FGF12: variants seen among roughly 807,000 people sequenced by gnomAD.
FGF12 encodes the protein fibroblast growth factor 12B.
Under a neutral mutation model 23.6 loss-of-function variants are expected in FGF12, and 14 were observed. The ratio of observed to expected loss-of-function variants is 0.59; its 90% CI spans 0.39 to 0.93. The LOEUF is 0.93. FGF12 is among the 40% of genes least tolerant of loss of function. FGF12 has a pLI of 0.00. For missense variants in FGF12, 175 were observed against 217.8 expected (o/e 0.80, Z 1.24); for synonymous variants, 62 against 77.3 (o/e 0.80, Z 1.04).
chr3:192,455,596 CTT>C (rs1029916134), intron 2 of FGF12, among the ~76,000 whole-genome samples: 1 of 152,108 alleles, frequency 6.6e-6, no homozygotes, highest in African/African-American at 2.4e-5. Context: ...CATTTTATAA[CTT>C]TTTTATTTAA....
At chr3:192,384,118 T>C (rs1719939328) in intron 2 of FGF12, among the ~76,000 whole-genome samples, 2 of 152,174 alleles carry the variant, frequency 1.3e-5, no homozygotes, top group African/African-American at 4.8e-5. Context: ...CTGAAAAGTA[T>C]CCATTAGATT....
chr3:192,593,540 TACTC>T (rs1470943969), intron 2 of FGF12, among the ~76,000 whole-genome samples: 2 of 151,972 alleles, frequency 1.3e-5, no homozygotes, highest in African/African-American at 4.8e-5. Context: ...ACTTTACAGA[TACTC>T]AATAAATGTT....
intron 4 of FGF12, among the ~76,000 whole-genome samples, chr3:192,232,917 C>T (rs916644653): frequency 6.6e-5 from 10 of 152,090 alleles, no homozygotes; most frequent in South Asian, 2.1e-4. Flanking sequence ...TATTCCACGA[C>T]GTACATGTGC....
rs1210634820 is a variant in FGF12, at chr3:192,144,079, C to A, written c.476G>T (p.Gly159Val). Residue 159 changes from glycine (G) to valine (V), a missense_variant, in exon 6 of 6, where the codon GGG becomes GTG. Physicochemically the swap from Gly to Val is moderately radical, Grantham distance 109. Coordinates refer to ENST00000445105, the MANE Select transcript of FGF12 (RefSeq NM_004113.6). ...TGTTCCAGAACTTTTCCTTGAACGC[C>A]CTTGTTTTTCTCCAATTTCATGTAG... The part of the protein sequence containing the change: ...PSLHEIGEKQ[G>V]RSRKSSGTPT... The A allele has an allele frequency of 6.2e-7, 1 of 1,613,688 alleles. No individual in the cohort carries two copies. Among genetic ancestry groups the A allele is most frequent in the East Asian group, 2.2e-5 (1 of 44,840 alleles).
intron 2 of FGF12, among the ~76,000 whole-genome samples, chr3:192,589,644 T>A (rs1281059129): frequency 6.6e-6 from 1 of 151,700 alleles, no homozygotes; most frequent in Non-Finnish European, 1.5e-5. Context: ...ATAGGATTCA[T>A]GGGATGGAGG....
In FGF12 at chr3:192,409,663, T is replaced by G. The variant is rs961515703; in HGVS notation, c.14-49125A>C. Among the ~76,000 whole-genome samples the G allele has an allele frequency of 9.2e-5, 14 of 152,128 alleles. No homozygotes were observed. The highest frequency in any genetic ancestry group is 3.4e-4 in the African/African-American group (14 of 41,440). On this transcript the variant is annotated intron_variant, in intron 2 of 5. Coordinates refer to ENST00000445105, the MANE Select transcript of FGF12 (RefSeq NM_004113.6). This position sits in a 1 kb window ranked among gnomAD's most constrained non-coding sequence, Gnocchi z 4.8. ...GGCGGGGGCTGGCTGCAGGCGATGT[T>G]GGCTCGCGGCGGCTGAGGCTCCTGG...
intron 2 of FGF12, among the ~76,000 whole-genome samples, chr3:192,374,719 AAG>A (rs1719396378): frequency 6.6e-6 from 1 of 152,120 alleles, no homozygotes; most frequent in Non-Finnish European, 1.5e-5. Flanking sequence ...TGTTAATACT[AAG>A]GTGCAAGTGA....
chr3:192,454,149 C>T (rs1722609108), intron 2 of FGF12, among the ~76,000 whole-genome samples: 1 of 152,118 alleles, frequency 6.6e-6, no homozygotes, highest in Non-Finnish European at 1.5e-5. Flanking sequence ...AGCGATTCTC[C>T]TGCCTCAGCC....
At chr3:192,498,855 C>T (rs1281831060) in intron 2 of FGF12, among the ~76,000 whole-genome samples, 1 of 152,214 alleles carries the variant, frequency 6.6e-6, no homozygotes. Context: ...CAGTCCACAA[C>T]ACAGACTGAA....
rs1399292586 is a variant in FGF12, at chr3:192,141,127, CCAAAAAAAA to C, written c.*2873_*2881del. 2 of 21,830 alleles carry C rather than the reference CCAAAAAAAA, an allele frequency of 9.2e-5. No homozygotes were observed. The highest frequency in any genetic ancestry group is 1.5e-4 in the Non-Finnish European group (2 of 13,038). 1.4% of individuals were successfully genotyped at this position (21,830 alleles called of 1,614,324 possible). On this transcript the variant is annotated 3_prime_UTR_variant, in exon 6 of 6. Transcript: ENST00000445105. ...TCCTGGGAAAAATCCCAATGCAACT[CCAAAAAAAA>C]AAAAAAAAAAAAAAAAAAGCTTATT... is the stretch of plus-strand genomic sequence containing the variant.
At chr3:192,426,448 G>T (rs1721689441) in intron 2 of FGF12, among the ~76,000 whole-genome samples, 1 of 152,280 alleles carries the variant, frequency 6.6e-6, no homozygotes, top group Admixed American at 6.5e-5. Context: ...GAAAAATGAG[G>T]CAGGAAGCTA....
rs187116907 is a variant in FGF12 at position 192,579,018 on chromosome 3, A to T, written c.13+148163T>A. On this transcript the variant is annotated intron_variant, in intron 2 of 5. Transcript: ENST00000445105. ...TCTATCACCAAATCTTCATTCCAAC[A>T]CTCCTTTAAGTTTATAATTTCTTTT... Among the ~76,000 whole-genome samples, 407 of 151,386 alleles carry T rather than the reference A, an allele frequency of 2.7e-3. 2 individuals carry two copies. The highest frequency in any genetic ancestry group is 9.6e-3 in the African/African-American group (396 of 41,224).
intron 4 of FGF12, among the ~76,000 whole-genome samples, chr3:192,277,252 C>T (rs1431053933): frequency 6.6e-6 from 1 of 152,178 alleles, no homozygotes; most frequent in African/African-American, 2.4e-5. Context: ...AAGATATTAT[C>T]TCAAGTTTAT....
intron 2 of FGF12, among the ~76,000 whole-genome samples, chr3:192,724,135 G>T (rs1719136061): frequency 6.6e-6 from 1 of 150,880 alleles, no homozygotes; most frequent in Non-Finnish European, 1.5e-5. Flanking sequence ...AAGGAGGAAA[G>T]GAAGGAAAAA....
rs35460777 is a variant in FGF12 at position 192,142,473 on chromosome 3, AT to A, written c.*1535del. 79,305 of 152,192 alleles carry A rather than the reference AT, an allele frequency of 0.52. 21,902 individuals carry two copies. The highest frequency in any genetic ancestry group is 0.62 in the Non-Finnish European group (41,950 of 67,814). 9.4% of individuals were successfully genotyped at this position (152,192 alleles called of 1,614,324 possible). On this transcript the variant is annotated 3_prime_UTR_variant, in exon 6 of 6. Transcript: ENST00000445105. ...TGATAATATCCATAAATCTGCATAC[AT>A]TTTTTAACATTCTGTTTTGTGTTTT...
At chr3:192,551,624 A>G (rs1350689870) in intron 2 of FGF12, among the ~76,000 whole-genome samples, 1 of 152,220 alleles carries the variant, frequency 6.6e-6, no homozygotes, top group South Asian at 2.1e-4. Context: ...AAAGACCGTG[A>G]CCTAAAATAA....
chr3:192,338,578 G>T (rs1717534351), intron 3 of FGF12, among the ~76,000 whole-genome samples: 2 of 152,098 alleles, frequency 1.3e-5, no homozygotes, highest in Admixed American at 6.5e-5. Context: ...TGTTTGAATG[G>T]GGATATGGTA....
At chr3:192,627,055 G>T (rs945326568) in intron 2 of FGF12, among the ~76,000 whole-genome samples, 2 of 152,038 alleles carry the variant, frequency 1.3e-5, no homozygotes, top group African/African-American at 4.8e-5. Flanking sequence ...TACATGCTAG[G>T]ATATGCTTGG....
intron 4 of FGF12, among the ~76,000 whole-genome samples, chr3:192,311,533 T>C (rs1330638283): frequency 6.6e-6 from 1 of 152,202 alleles, no homozygotes; most frequent in African/African-American, 2.4e-5. Context: ...ACTTTATTTA[T>C]CCATTCATCA....
Sources: gnomAD v4.1 joint callset for allele counts (sites outside exome capture counted in the v4.1 genomes callset) on GRCh38, gnomAD v4.1.1 for gene constraint, Gnocchi (gnomAD v3.1) non-coding constraint, MANE v1.5 for transcripts, NCBI Gene and HGNC (gene_info 2026-07-23, HGNC 2026-07-21) for gene names.